Variants in PHYKPL observed in about 807,000 individuals in gnomAD.
PHYKPL encodes 5-phosphohydroxy-L-lysine phospho-lyase.
Under a neutral mutation model 51.3 loss-of-function variants are expected in PHYKPL, and 42 were observed. The observed-to-expected ratio is 0.82, with a 90% CI of 0.64 to 1.06. The LOEUF (loss-of-function observed/expected upper bound fraction) is 1.06, where lower values mean the gene tolerates loss of function less well. Among genes scored for constraint, PHYKPL ranks in the 50% least tolerant of loss-of-function variants. The probability of loss-of-function intolerance (pLI) is 0.00; values close to 1 mark genes in which losing one functional copy is unlikely to be tolerated. For missense variants in PHYKPL, 655 were observed against 586.6 expected (o/e 1.12, Z -1.20); for synonymous variants, 264 against 236.0 (o/e 1.12, Z -1.09).
chr5:178,230,163 C>G, intron 2 of PHYKPL, 64 bp from the exon 3 acceptor site: 2 of 1,595,870 alleles, frequency 1.3e-6, no homozygotes, highest in Non-Finnish European at 1.7e-6. Flanking sequence ...GGGCCTCCCC[C>G]AGCCCCAAGC....
At chr5:178,215,155 T>G (rs1759502996) in intron 9 of PHYKPL, 121 bp downstream of exon 9, 2 of 1,488,950 alleles carry the variant, frequency 1.3e-6, no homozygotes, top group African/African-American at 2.8e-5. Flanking sequence ...CACCTCTCAG[T>G]GTCTCAGTTC....
At chr5:178,226,521 T>C (rs1291027452) in intron 3 of PHYKPL, 1 of 152,166 alleles carries the variant, frequency 6.6e-6, no homozygotes, top group Non-Finnish European at 1.5e-5. Context: ...AAGAGATGCA[T>C]AGGGTGAGGT....
At chr5:178,218,678 ATTT>A (rs1421712247) in intron 8 of PHYKPL, among the ~76,000 whole-genome samples, 1 of 152,190 alleles carries the variant, frequency 6.6e-6, no homozygotes, top group African/African-American at 2.4e-5. Flanking sequence ...AGTCTATGGT[ATTT>A]TGTTATAGTT....
chr5:178,211,868 G>T (rs746901682), intron 12 of PHYKPL, 22 bp downstream of exon 12: 1 of 1,562,034 alleles, frequency 6.4e-7, no homozygotes, highest in Non-Finnish European at 8.8e-7. Flanking sequence ...ATCTTCAAGA[G>T]TAAGAAGCAA....
At chr5:178,223,558 T>A (rs759705719) in intron 6 of PHYKPL, 4 of 449,574 alleles carry the variant, frequency 8.9e-6, no homozygotes, top group Non-Finnish European at 1.3e-5. Flanking sequence ...GGGATACTGG[T>A]CCCCCACACC....
rs745778495 is a variant in PHYKPL, at chr5:178,229,949, A to G, written c.329T>C (p.Leu110Pro). 1.2e-6 allele frequency: 2 copies of G among 1,613,504 alleles called. No individual in the cohort carries two copies. The highest frequency in any genetic ancestry group is 8.5e-7 in the Non-Finnish European group (1 of 1,179,448). Residue 110 changes from leucine to proline, a missense_variant, in exon 3 of 13, where the codon CTG becomes CCG. Transcript: ENST00000308158. ...LPEQLCVFYF[L>P]NSGSEANDLA... ...GCCACAGTCCACTTACCCAGAATTC[A>G]GGAAATAGAACACACAGAGCTGCTC... is the stretch of plus-strand genomic sequence containing the variant.
rs145776174 is a variant in PHYKPL, at chr5:178,220,638, C to T, written c.927+1717G>A. Reference sequence around the variant, plus strand: ...CCATATGGGCCAGCAATTCCACCCTCAGGTACAGTCCTAAGAAAAACTCTT... The same window carrying T: ...CCATATGGGCCAGCAATTCCACCCTTAGGTACAGTCCTAAGAAAAACTCTT... On this transcript the variant is annotated intron_variant, in intron 8 of 12. Coordinates refer to ENST00000308158, the MANE Select transcript of PHYKPL (RefSeq NM_153373.4). Among the ~76,000 whole-genome samples the T allele has an allele frequency of 3.3e-5, 5 of 151,592 alleles. No homozygotes were observed. In the East Asian group the frequency reaches 9.7e-4, roughly 29 times the overall value.
At chr5:178,218,011 A>C (rs1760229448) in intron 8 of PHYKPL, among the ~76,000 whole-genome samples, 1 of 148,524 alleles carries the variant, frequency 6.7e-6, no homozygotes, top group Non-Finnish European at 1.5e-5. Flanking sequence ...AGGTCAGGAG[A>C]TCGAGACCAT....
At position 178,231,454 on chromosome 5, in the gene PHYKPL, G is replaced by T. The variant is rs1275934602; in HGVS notation, c.129C>A (p.Tyr43Ter). Residue 43 changes from tyrosine (Y) to a stop codon, truncating the protein, a stop_gained, in exon 2 of 13, where the codon TAC becomes TAA. Transcript: ENST00000308158. LOFTEE classifies it high-confidence loss of function. ...KIVRAQGQYM[Y>*]DEQGAEYIDC... is the part of the protein sequence containing the mutation. ...CGATGTATTCTGCCCCCTGTTCATC[G>T]TACATGTACTGCCCTTGGGCCCGGA... The T allele has an allele frequency of 1.9e-6, 3 of 1,614,054 alleles. No individual in the cohort carries two copies. Among genetic ancestry groups the T allele is most frequent in the Non-Finnish European group, 2.5e-6 (3 of 1,180,046 alleles).
chr5:178,232,345 C>A (rs905422082), intron 1 of PHYKPL, 147 bp downstream of exon 1: 14 of 1,274,010 alleles, frequency 1.1e-5, no homozygotes, highest in Non-Finnish European at 1.4e-5. Flanking sequence ...GAAGCTCCAG[C>A]GGGGCCGGGG....
intron 1 of PHYKPL, 180 bp from the exon 2 acceptor site, chr5:178,231,703 G>C (rs758557170): frequency 6.4e-7 from 1 of 1,551,578 alleles, no homozygotes; most frequent in Non-Finnish European, 8.7e-7. Flanking sequence ...TTGCAAAGCA[G>C]GAAGCAGATG....
chr5:178,213,268 C>T (rs950722990), intron 10 of PHYKPL, among the ~76,000 whole-genome samples, 165 bp from the exon 11 acceptor site: 8 of 152,198 alleles, frequency 5.3e-5, no homozygotes, highest in African/African-American at 1.7e-4. Context: ...TGCATCTGGC[C>T]CACAGCAGCC....
intron 8 of PHYKPL, among the ~76,000 whole-genome samples, chr5:178,218,085 C>T (rs1166084634): frequency 3.6e-5 from 4 of 110,194 alleles, no homozygotes; most frequent in Non-Finnish European, 5.4e-5. Context: ...GGCGTGGTAG[C>T]GGGCGCCTGT....
chr5:178,214,991 G>A (rs1759460605), intron 9 of PHYKPL, 106 bp from the exon 10 acceptor site: 2 of 1,011,422 alleles, frequency 2.0e-6, no homozygotes, highest in Non-Finnish European at 3.0e-6. Context: ...GCTGAGTGCA[G>A]GAGGCACCTT....
intron 3 of PHYKPL, among the ~76,000 whole-genome samples, chr5:178,227,396 T>G (rs1313674490): frequency 1.3e-5 from 2 of 152,248 alleles, no homozygotes; most frequent in African/African-American, 4.8e-5. Context: ...CCACTCAGTC[T>G]CTGGTATTTT....
At chr5:178,225,252 C>T in intron 4 of PHYKPL, 103 bp downstream of exon 4, 1 of 1,337,922 alleles carries the variant, frequency 7.5e-7, no homozygotes. Context: ...TAGCCCAGGC[C>T]CCTTATCCTC....
chr5:178,223,004 G>A (rs1761509283), intron 6 of PHYKPL, 70 bp from the exon 7 acceptor site: 3 of 1,473,872 alleles, frequency 2.0e-6, no homozygotes, highest in Admixed American at 1.8e-5. Context: ...TGCCCTGCTA[G>A]TGCTGGCTTA....
At chr5:178,214,981 G>T in intron 9 of PHYKPL, 96 bp from the exon 10 acceptor site, 2 of 1,126,312 alleles carry the variant, frequency 1.8e-6, no homozygotes, top group Non-Finnish European at 1.3e-6. Flanking sequence ...TCCTGAGGGG[G>T]CTGAGTGCAG....
Position 178,222,369 on chromosome 5 carries a change from C to T in PHYKPL, c.913G>A (p.Glu305Lys). Residue 305 changes from glutamate (E) to lysine (K), a missense_variant, in exon 8 of 13, where the codon GAG becomes AAG. Glu to Lys is a moderately conservative substitution (Grantham distance 56). Transcript: ENST00000308158. ...CCATCACTCACCGTGTTGAAGTACT[C>T]AACGCCGGTGGCTTCAAATGCCCTC... is the stretch of plus-strand genomic sequence containing the variant. ...VARAFEATGV[E>K]YFNTFGGSPV... The T allele has an allele frequency of 1.2e-6, 2 of 1,612,780 alleles. No homozygotes were observed. The highest frequency in any genetic ancestry group is 2.2e-5 in the East Asian group (1 of 44,836).
Sources: gnomAD v4.1 joint callset for allele counts (sites outside exome capture counted in the v4.1 genomes callset) on GRCh38, gnomAD v4.1.1 for gene constraint, MANE v1.5 for transcripts, NCBI Gene and HGNC (gene_info 2026-07-23, HGNC 2026-07-21) for gene names.